Variants in DPP10 observed in about 807,000 individuals in gnomAD.
DPP10 encodes inactive dipeptidyl peptidase 10.
DPP10 carries 33 observed loss-of-function variants against 120.9 expected under a neutral mutation model. The ratio of observed to expected loss-of-function variants is 0.27; its 90% CI spans 0.21 to 0.37. The LOEUF (loss-of-function observed/expected upper bound fraction) is 0.37, where lower values mean the gene tolerates loss of function less well. Ranked by LOEUF, DPP10 falls within the 10% of genes least tolerant of loss-of-function variation. The pLI is 1.00. For synonymous variants in DPP10, 337 were observed against 326.1 expected (o/e 1.03, Z -0.36); for missense variants, 816 against 942.8 (o/e 0.87, Z 1.76).
intron 1 of DPP10, among the ~76,000 whole-genome samples, chr2:115,245,984 A>G (rs1042804021): frequency 1.3e-5 from 2 of 152,140 alleles, no homozygotes; most frequent in South Asian, 2.1e-4. Context: ...AACATATTCA[A>G]TGAGCTCCAA....
intron 1 of DPP10, among the ~76,000 whole-genome samples, chr2:114,995,206 G>A (rs767945627): frequency 9.9e-5 from 15 of 152,154 alleles, no homozygotes; most frequent in Admixed American, 3.3e-4. Context: ...CATCTCAGCC[G>A]TGGCCATCCT....
intron 1 of DPP10, among the ~76,000 whole-genome samples, chr2:115,098,137 T>C (rs944698845): frequency 2.0e-5 from 3 of 152,184 alleles, no homozygotes; most frequent in Non-Finnish European, 4.4e-5. Flanking sequence ...GGATGAGGGA[T>C]GGGTGCACAC....
At chr2:114,835,180 A>G (rs954902352) in intron 1 of DPP10, 4 of 149,382 alleles carry the variant, frequency 2.7e-5, no homozygotes, top group Admixed American at 6.6e-5. Context: ...ACACCTATGT[A>G]TATATAGGAC....
At chr2:115,435,514 C>T (rs577847333) in intron 3 of DPP10, among the ~76,000 whole-genome samples, 61 of 151,800 alleles carry the variant, frequency 4.0e-4, no homozygotes, top group South Asian at 3.5e-3. Context: ...AATGTCTGTT[C>T]GGGTCCTTTG....
intron 5 of DPP10, among the ~76,000 whole-genome samples, chr2:115,585,882 T>A (rs1398071701): frequency 6.6e-6 from 1 of 152,216 alleles, no homozygotes; most frequent in Non-Finnish European, 1.5e-5. Flanking sequence ...TTAACGTATA[T>A]CCTGGAAATT....
At chr2:115,282,057 A>G (rs1318905246) in intron 1 of DPP10, among the ~76,000 whole-genome samples, 3 of 152,098 alleles carry the variant, frequency 2.0e-5, no homozygotes, top group African/African-American at 7.2e-5. Context: ...CTTGAGAAAA[A>G]TGACATCTAG....
At chr2:115,184,233 C>T (rs923895637) in intron 1 of DPP10, among the ~76,000 whole-genome samples, 3 of 152,144 alleles carry the variant, frequency 2.0e-5, no homozygotes, top group African/African-American at 7.2e-5. Context: ...TGTGTTCAGT[C>T]ATCTGAATGA....
At chr2:115,672,621 C>CTTTCT (rs10648958) in intron 5 of DPP10, among the ~76,000 whole-genome samples, 2 of 145,676 alleles carry the variant, frequency 1.4e-5, no homozygotes, top group Non-Finnish European at 3.0e-5. Flanking sequence ...CATGGCGCCC[C>CTTTCT]TTCTTTCTTT....
intron 1 of DPP10, among the ~76,000 whole-genome samples, chr2:114,921,219 T>C (rs1695172669): frequency 6.6e-6 from 1 of 152,192 alleles, no homozygotes; most frequent in Non-Finnish European, 1.5e-5. Context: ...ATTTCCTGAC[T>C]TGATATGTAT....
intron 19 of DPP10, among the ~76,000 whole-genome samples, chr2:115,801,793 A>G (rs1249405786): frequency 3.3e-5 from 5 of 152,144 alleles, no homozygotes; most frequent in Non-Finnish European, 7.4e-5. Context: ...CCACTTGATC[A>G]TGGTGGATAA....
intron 8 of DPP10, 105 bp from the exon 9 acceptor site, chr2:115,739,634 G>C: frequency 2.5e-6 from 3 of 1,208,402 alleles, no homozygotes; most frequent in Admixed American, 2.2e-5. Flanking sequence ...TCAATACACA[G>C]TCTAGAAAAT....
chr2:115,378,947 G>T (rs1228534551), intron 3 of DPP10, among the ~76,000 whole-genome samples: 4 of 152,106 alleles, frequency 2.6e-5, no homozygotes, highest in African/African-American at 9.7e-5. Context: ...TGCTGGATTT[G>T]GTTTGCCACT....
rs191697107 is a variant in DPP10, at chr2:114,765,244, G to A, written c.60+322406G>A. Among the ~76,000 whole-genome samples the A allele has an allele frequency of 2.7e-3, 409 of 152,222 alleles. 11 individuals are homozygous for A. Among genetic ancestry groups the A allele is most frequent in the Admixed American group, 0.025 (389 of 15,278 alleles). On this transcript the variant is annotated intron_variant, in intron 1 of 25. Transcript: ENST00000410059. ...ATACAATAATTACACTCGTGTGGTG[G>A]TAAAATTATGTGTCGTTGGGGAATG...
At chr2:115,752,794 AT>A (rs1464383491) in intron 10 of DPP10, among the ~76,000 whole-genome samples, 1 of 152,212 alleles carries the variant, frequency 6.6e-6, no homozygotes, top group Non-Finnish European at 1.5e-5. Context: ...TTATAAATGT[AT>A]ACTTGTTTTG....
At chr2:114,483,500 C>T (rs1376056725) in intron 1 of DPP10, among the ~76,000 whole-genome samples, 1 of 151,658 alleles carries the variant, frequency 6.6e-6, no homozygotes, top group Non-Finnish European at 1.5e-5. Context: ...GGAACCACAT[C>T]GATCCTGAAA....
At chr2:115,683,470 G>T (rs1391729808) in intron 5 of DPP10, among the ~76,000 whole-genome samples, 1 of 151,782 alleles carries the variant, frequency 6.6e-6, no homozygotes, top group Non-Finnish European at 1.5e-5. Flanking sequence ...AACATCAAGA[G>T]TAAACCCTAG....
intron 1 of DPP10, among the ~76,000 whole-genome samples, chr2:114,964,429 GA>G (rs1003454245): frequency 2.0e-5 from 3 of 152,084 alleles, no homozygotes; most frequent in Non-Finnish European, 2.9e-5. Flanking sequence ...CAGTAAATAA[GA>G]AAAAAAGAAC....
At chr2:115,806,383 C>A (rs74412589) in intron 19 of DPP10, among the ~76,000 whole-genome samples, 2,776 of 152,250 alleles carry the variant, frequency 0.018, 88 homozygotes, top group African/African-American at 0.061. Flanking sequence ...GGTTCTGCCA[C>A]TGCCTGCTTA....
chr2:114,591,552 C>CTTTTTTTT (rs1388048473), intron 1 of DPP10, among the ~76,000 whole-genome samples: 1 of 128,512 alleles, frequency 7.8e-6, no homozygotes, highest in African/African-American at 3.3e-5. Flanking sequence ...CAACCTCTTC[C>CTTTTTTTT]TATTTTTTTT....
Sources: gnomAD v4.1 joint callset for allele counts (sites outside exome capture counted in the v4.1 genomes callset) on GRCh38, gnomAD v4.1.1 for gene constraint, MANE v1.5 for transcripts, NCBI Gene and HGNC (gene_info 2026-07-23, HGNC 2026-07-21) for gene names.